RANBP2: variants seen among roughly 807,000 people sequenced by gnomAD.
The protein encoded by RANBP2 is RAN binding protein 2.
RANBP2 carries 57 observed loss-of-function variants against 303.6 expected under a neutral mutation model. The observed-to-expected ratio is 0.19, with a 90% CI of 0.15 to 0.23. RANBP2 has a LOEUF of 0.23. Among genes scored for constraint, RANBP2 ranks in the 10% least tolerant of loss-of-function variants. RANBP2 has a pLI of 1.00. For missense variants in RANBP2, 3,138 were observed against 3,780.8 expected (o/e 0.83, Z 4.46); for synonymous variants, 1,167 against 1,301.5 (o/e 0.90, Z 2.23).
chr2:109,245,686 T>C, the RANBP2 span, among the ~76,000 whole-genome samples: 2 of 152,178 alleles, frequency 1.3e-5, no homozygotes, highest in Non-Finnish European at 2.9e-5. Context: ...TTGTTAAGAT[T>C]TCTCTCTGAA....
chr2:109,262,255 G>A, the RANBP2 span, among the ~76,000 whole-genome samples: 2 of 152,202 alleles, frequency 1.3e-5, no homozygotes, highest in African/African-American at 4.8e-5. Flanking sequence ...TTGAAAGCTT[G>A]GAGAGAAACC....
At chr2:109,604,161 CA>C in the RANBP2 span, among the ~76,000 whole-genome samples, 243 of 58,684 alleles carry the variant, frequency 4.1e-3, no homozygotes, top group South Asian at 0.028. Flanking sequence ...GACTCTGCCT[CA>C]AAAAAAAAAA....
At position 108,747,632 on chromosome 2, in the gene RANBP2, G is replaced by A. The variant is rs2556214; in HGVS notation, c.1063+834G>A. 4.0e-4 allele frequency among the ~76,000 whole-genome samples: 61 copies of A among 151,722 alleles called. 1 individual carries two copies. Among genetic ancestry groups the A allele is most frequent in the South Asian group, 2.3e-3 (11 of 4,800 alleles). ...GCAGGGCTCTCATAAGTGCCTTTGC[G>A]TGGTGTCACAGTTAGATAAAAATTG... On this transcript the variant is annotated intron_variant, in intron 8 of 28. Transcript: ENST00000283195.
At chr2:108,910,317 G>A in the RANBP2 span, 1 of 686,120 alleles carries the variant, frequency 1.5e-6, no homozygotes, top group Non-Finnish European at 2.6e-6. Context: ...TCAGCAAAGA[G>A]GTGGTGGGGA....
chr2:109,293,089 G>A, the RANBP2 span, among the ~76,000 whole-genome samples: 1,218 of 152,294 alleles, frequency 8.0e-3, 14 homozygotes, highest in African/African-American at 0.028. Context: ...GCACAAGCAG[G>A]AAGGACTGTC....
the RANBP2 span, among the ~76,000 whole-genome samples, chr2:109,535,554 G>T: frequency 5.3e-5 from 8 of 152,220 alleles, no homozygotes; most frequent in Non-Finnish European, 8.8e-5. Context: ...TTAGGGTTCA[G>T]GGCACAAGCT....
At chr2:108,821,000 T>C in the RANBP2 span, among the ~76,000 whole-genome samples, 2 of 119,846 alleles carry the variant, frequency 1.7e-5, no homozygotes, top group African/African-American at 6.0e-5. Flanking sequence ...TTGCATAGAA[T>C]GTAACAGACA....
the RANBP2 span, among the ~76,000 whole-genome samples, chr2:109,027,305 T>A: frequency 3.3e-5 from 5 of 150,272 alleles, no homozygotes; most frequent in African/African-American, 1.2e-4. Context: ...GTGGGTCTCC[T>A]GGGGGACTAG....
chr2:109,263,955 C>T, the RANBP2 span, among the ~76,000 whole-genome samples: 4 of 152,152 alleles, frequency 2.6e-5, no homozygotes, highest in African/African-American at 9.7e-5. Flanking sequence ...GGCAACAGAA[C>T]GAGTCTCCAT....
the RANBP2 span, chr2:109,129,703 C>T: frequency 1.3e-6 from 2 of 1,535,170 alleles, no homozygotes; most frequent in African/African-American, 2.8e-5. Context: ...GCTGGACCTG[C>T]TGGAGTGCTC....
At chr2:109,702,420 C>G in the RANBP2 span, among the ~76,000 whole-genome samples, 1 of 152,214 alleles carries the variant, frequency 6.6e-6, no homozygotes, top group African/African-American at 2.4e-5. Flanking sequence ...ATTCGTACAT[C>G]TTCTGTCCAA....
the RANBP2 span, chr2:108,894,681 T>A: frequency 6.6e-6 from 1 of 152,522 alleles, no homozygotes. Flanking sequence ...CAGTGAGAAT[T>A]ATTATGATCT....
At chr2:109,236,835 A>G in the RANBP2 span, among the ~76,000 whole-genome samples, 1 of 152,236 alleles carries the variant, frequency 6.6e-6, no homozygotes, top group Non-Finnish European at 1.5e-5. Context: ...TCAGAGATCA[A>G]AATTGCAGGT....
the RANBP2 span, among the ~76,000 whole-genome samples, chr2:109,172,973 A>T: frequency 6.6e-6 from 1 of 152,238 alleles, no homozygotes; most frequent in East Asian, 1.9e-4. Context: ...AGTGTCATGT[A>T]TGACCTTGCG....
the RANBP2 span, among the ~76,000 whole-genome samples, chr2:108,925,977 C>T: frequency 6.6e-6 from 1 of 152,196 alleles, no homozygotes; most frequent in Admixed American, 6.5e-5. Context: ...TCCTTCCTCA[C>T]CCAGTGAGTG....
chr2:109,055,069 G>C, the RANBP2 span, among the ~76,000 whole-genome samples: 1 of 152,096 alleles, frequency 6.6e-6, no homozygotes, highest in Non-Finnish European at 1.5e-5. Context: ...AAGCTGCTAT[G>C]AGCATTCTTG....
the RANBP2 span, among the ~76,000 whole-genome samples, chr2:109,358,699 G>A: frequency 6.6e-6 from 1 of 152,150 alleles, no homozygotes; most frequent in African/African-American, 2.4e-5. Context: ...TATCATAGTT[G>A]TCTTTTGATA....
At chr2:109,379,060 C>G in the RANBP2 span, among the ~76,000 whole-genome samples, 1 of 152,170 alleles carries the variant, frequency 6.6e-6, no homozygotes, top group Non-Finnish European at 1.5e-5. Context: ...AACCCAGAGA[C>G]AGTAACAGAG....
At chr2:109,042,438 C>T in the RANBP2 span, among the ~76,000 whole-genome samples, 27 of 152,144 alleles carry the variant, frequency 1.8e-4, no homozygotes, top group East Asian at 1.9e-4. Flanking sequence ...CACTAGGTCT[C>T]ATCCCAAACT....
Sources: allele counts gnomAD v4.1 joint callset (sites outside exome capture counted in the v4.1 genomes callset), GRCh38; gene constraint gnomAD v4.1.1; transcripts MANE v1.5; gene names NCBI Gene and HGNC (gene_info 2026-07-23, HGNC 2026-07-21).